GYG1: variants seen among roughly 807,000 people sequenced by gnomAD.
The protein encoded by GYG1 is glycogenin-1.
Under a neutral mutation model 41.9 loss-of-function variants are expected in GYG1, and 44 were observed. The ratio of observed to expected loss-of-function variants is 1.05; its 90% CI spans 0.83 to 1.35. The LOEUF (loss-of-function observed/expected upper bound fraction) is 1.35, where lower values mean the gene tolerates loss of function less well. Ranked by LOEUF, GYG1 falls within the 40% of genes most tolerant of loss-of-function variation. The pLI is 0.00. For synonymous variants in GYG1, 141 were observed against 158.1 expected (o/e 0.89, Z 0.81); for missense variants, 429 against 418.9 (o/e 1.02, Z -0.21).
chr3:148,999,510 A>G (rs1276578242), intron 4 of GYG1, among the ~76,000 whole-genome samples: 1 of 152,226 alleles, frequency 6.6e-6, no homozygotes, highest in Non-Finnish European at 1.5e-5. Context: ...AGCTCACTCT[A>G]TACCTTGGGA....
chr3:149,023,177 C>G (rs1328431526), intron 5 of GYG1, among the ~76,000 whole-genome samples: 1 of 152,132 alleles, frequency 6.6e-6, no homozygotes, highest in East Asian at 1.9e-4. Context: ...GTTGTAACTT[C>G]TCAGAGGGTG....
At position 149,029,649 on chromosome 3, in the gene GYG1, CAAG is replaced by C. The variant is rs1714846449; in HGVS notation, c.*2717_*2719del. ...CCAAATGCTAATGCATAAACCTTGA[CAAG>C]TAGTATAAATAAAACAAGAAAAAAA... is the stretch of plus-strand genomic sequence containing the variant. On this transcript the variant is annotated 3_prime_UTR_variant, in exon 8 of 8. Coordinates refer to ENST00000345003, the MANE Select transcript of GYG1 (RefSeq NM_004130.4). Among the ~76,000 whole-genome samples the C allele has an allele frequency of 2.0e-5, 3 of 152,130 alleles. No individual in the cohort carries two copies. The highest frequency in any genetic ancestry group is 2.0e-4 in the Admixed American group (3 of 15,266).
intron 4 of GYG1, among the ~76,000 whole-genome samples, chr3:148,998,116 C>G (rs1712909584): frequency 1.3e-5 from 2 of 152,292 alleles, no homozygotes; most frequent in Non-Finnish European, 2.9e-5. Flanking sequence ...TAAAACATTT[C>G]AAATTATACA....
intron 5 of GYG1, among the ~76,000 whole-genome samples, chr3:149,012,325 C>T (rs1244610517): frequency 6.6e-6 from 1 of 152,124 alleles, no homozygotes; most frequent in Non-Finnish European, 1.5e-5. Context: ...GTATGCTGGC[C>T]TTCCCTAGGA....
intron 5 of GYG1, among the ~76,000 whole-genome samples, chr3:149,012,933 C>T (rs1225160573): frequency 1.3e-5 from 2 of 151,840 alleles, no homozygotes; most frequent in African/African-American, 4.8e-5. Context: ...TCAAGTGATC[C>T]TCCTGCCTCA....
At chr3:149,019,617 T>A (rs964701804) in intron 5 of GYG1, among the ~76,000 whole-genome samples, 2 of 152,158 alleles carry the variant, frequency 1.3e-5, no homozygotes, top group Non-Finnish European at 2.9e-5. Context: ...TTTCACTTTG[T>A]TAGGGTAGAA....
Position 148,996,763 on chromosome 3 carries a change from C to A in GYG1, c.340C>A (p.Leu114Ile), listed in dbSNP as rs748262447. The change falls in exon 4 of 8, where the codon CTT becomes ATT. Residue 114 changes from leucine to isoleucine, a missense_variant. Physicochemically the swap from Leu to Ile is conservative, Grantham distance 5. Coordinates refer to ENST00000345003, the MANE Select transcript of GYG1 (RefSeq NM_004130.4). ...DTLVLANIDD[L>I]FDREELSAAP... ...TCAGGTCCTAGCAAATATTGATGAT[C>A]TTTTTGACAGAGAAGAATTGTCAGC... The A allele has an allele frequency of 1.2e-6, 2 of 1,613,950 alleles. No individual in the cohort carries two copies. The highest frequency in any genetic ancestry group is 2.2e-5 in the East Asian group (1 of 44,890).
rs1402035825 is a variant in GYG1 at position 149,027,621 on chromosome 3, CTTA to C, written c.*691_*693del. ...GGCACCCTGTACAAAAAATAAAAGACTTATTGCTGTATCTTGGTTGTTTAATTA... is the reference window on the plus strand; with the variant it reads ...GGCACCCTGTACAAAAAATAAAAGACTTGCTGTATCTTGGTTGTTTAATTA... On this transcript the variant is annotated 3_prime_UTR_variant, in exon 8 of 8. Coordinates refer to ENST00000345003, the MANE Select transcript of GYG1 (RefSeq NM_004130.4). 6.6e-6 allele frequency: 1 copy of C among 152,526 alleles called. No homozygotes were observed. The highest frequency in any genetic ancestry group is 1.9e-4 in the East Asian group (1 of 5,200). 9.4% of individuals were successfully genotyped at this position (152,526 alleles called of 1,614,324 possible).
At chr3:149,003,297 G>A (rs557429663) in intron 4 of GYG1, among the ~76,000 whole-genome samples, 61 of 151,952 alleles carry the variant, frequency 4.0e-4, no homozygotes, top group African/African-American at 1.3e-3. Context: ...TGTGTTTTTA[G>A]TAGAAATGGG....
At chr3:149,011,463 T>C (rs1462342922) in intron 5 of GYG1, among the ~76,000 whole-genome samples, 1 of 151,994 alleles carries the variant, frequency 6.6e-6, no homozygotes, top group African/African-American at 2.4e-5. Flanking sequence ...CACTCAGTCC[T>C]GCACAGTGAG....
intron 4 of GYG1, among the ~76,000 whole-genome samples, chr3:149,004,448 T>G (rs1276396322): frequency 6.6e-6 from 1 of 152,200 alleles, no homozygotes; most frequent in African/African-American, 2.4e-5. Flanking sequence ...ATTTAAAGAT[T>G]TTTCTAAAGA....
rs762046425 is a variant in GYG1, at chr3:149,024,150, C to A, written c.706C>A (p.His236Asn). The part of the protein sequence containing the change: ...PKTKSVKSEA[H>N]DPNMTHPEFL... ...AACAAAAAGTGTCAAAAGTGAGGCC[C>A]ATGATCCCAACATGACTCATCCAGA... Residue 236 changes from histidine (H) to asparagine (N), a missense_variant, in exon 6 of 8, where the codon CAT becomes AAT. Physicochemically the swap from His to Asn is moderately conservative, Grantham distance 68. Coordinates refer to ENST00000345003, the MANE Select transcript of GYG1 (RefSeq NM_004130.4). The A allele has an allele frequency of 3.1e-6, 5 of 1,613,542 alleles. No homozygotes were observed. The highest frequency in any genetic ancestry group is 3.3e-5 in the Admixed American group (2 of 60,010).
At chr3:149,004,931 A>G (rs994881183) in intron 4 of GYG1, among the ~76,000 whole-genome samples, 3 of 152,200 alleles carry the variant, frequency 2.0e-5, no homozygotes, top group African/African-American at 7.2e-5. Flanking sequence ...GCAGCCAGCC[A>G]GGGACTTTGA....
rs146101365 is a variant in GYG1, at chr3:148,994,232, G to A, written c.98G>A (p.Arg33Lys). 3,081 of 1,613,892 alleles carry A rather than the reference G, an allele frequency of 1.9e-3. 5 individuals are homozygous for A. The highest frequency in any genetic ancestry group is 2.4e-3 in the Non-Finnish European group (2,798 of 1,179,844). ...GSSLKQHRTT[R>K]RLVVLATPQV... Reference sequence around the variant, plus strand: ...TCTCTGAAACAGCACAGGACCACCAGGAGGCTGGTCGTGCTCGCCACCCCT... The same window carrying A: ...TCTCTGAAACAGCACAGGACCACCAAGAGGCTGGTCGTGCTCGCCACCCCT... The change falls in exon 2 of 8, where the codon AGG becomes AAG. Residue 33 changes from arginine to lysine, a missense_variant. Arg to Lys is a conservative substitution (Grantham distance 26). Coordinates refer to ENST00000345003, the MANE Select transcript of GYG1 (RefSeq NM_004130.4).
Sources: gnomAD v4.1 joint callset for allele counts (sites outside exome capture counted in the v4.1 genomes callset) on GRCh38, gnomAD v4.1.1 for gene constraint, MANE v1.5 for transcripts, NCBI Gene and HGNC (gene_info 2026-07-23, HGNC 2026-07-21) for gene names.